Variants in PPARGC1A observed in about 807,000 individuals in gnomAD.
The protein encoded by PPARGC1A is PPARG coactivator 1 alpha.
In PPARGC1A, 25 loss-of-function variants were observed where a neutral mutation model predicts 88.7. The observed-to-expected ratio is 0.28, with a 90% CI of 0.21 to 0.39. The LOEUF is 0.39. PPARGC1A is among the 10% of genes least tolerant of loss of function. The probability of loss-of-function intolerance (pLI) is 1.00; values close to 1 mark genes in which losing one functional copy is unlikely to be tolerated. For synonymous variants in PPARGC1A, 363 were observed against 355.6 expected, an observed-to-expected ratio of 1.02 and a Z score of -0.24; for missense variants, 880 against 968.7, an observed-to-expected ratio of 0.91 and a Z score of 1.22.
At chr4:23,965,653 C>T in the PPARGC1A span, among the ~76,000 whole-genome samples, 1 of 152,158 alleles carries the variant, frequency 6.6e-6, no homozygotes, top group Admixed American at 6.5e-5. Context: ...AGCTCCTCAG[C>T]TTGAGGGCTG....
chr4:24,211,809 CAAT>C, the PPARGC1A span, among the ~76,000 whole-genome samples: 3 of 152,166 alleles, frequency 2.0e-5, no homozygotes, highest in Non-Finnish European at 2.9e-5. Flanking sequence ...ATGAGCAAAA[CAAT>C]AATAAGTATA....
chr4:24,101,562 T>C, the PPARGC1A span, among the ~76,000 whole-genome samples: 10 of 152,348 alleles, frequency 6.6e-5, no homozygotes, highest in Admixed American at 6.5e-4. Flanking sequence ...TGTACGCATG[T>C]AACAAAATAT....
chr4:24,115,373 A>ATT, the PPARGC1A span, among the ~76,000 whole-genome samples: 1 of 152,060 alleles, frequency 6.6e-6, no homozygotes, highest in African/African-American at 2.4e-5. Flanking sequence ...TTAAATAAAC[A>ATT]TTTTTCTGGC....
the PPARGC1A span, among the ~76,000 whole-genome samples, chr4:24,102,344 C>T: frequency 1.3e-5 from 2 of 152,142 alleles, no homozygotes; most frequent in African/African-American, 4.8e-5. Flanking sequence ...GATACCTACA[C>T]AACAGTGATG....
At chr4:23,922,824 C>A in the PPARGC1A span, among the ~76,000 whole-genome samples, 1 of 152,288 alleles carries the variant, frequency 6.6e-6, no homozygotes, top group African/African-American at 2.4e-5. Context: ...ACTCTGGCTT[C>A]CACACGCAAT....
chr4:24,281,775 T>C, the PPARGC1A span, among the ~76,000 whole-genome samples: 1 of 151,840 alleles, frequency 6.6e-6, no homozygotes, highest in African/African-American at 2.4e-5. Context: ...TCTTTTATTT[T>C]TCTTTTGGCT....
At chr4:24,135,302 A>C in the PPARGC1A span, among the ~76,000 whole-genome samples, 1 of 152,130 alleles carries the variant, frequency 6.6e-6, no homozygotes, top group Non-Finnish European at 1.5e-5. Flanking sequence ...AATGCTCTCC[A>C]AGATTTTGTT....
At chr4:24,184,858 A>G in the PPARGC1A span, among the ~76,000 whole-genome samples, 1 of 152,208 alleles carries the variant, frequency 6.6e-6, no homozygotes, top group Non-Finnish European at 1.5e-5. Flanking sequence ...AGAGAGAGGG[A>G]TAAGAAGCGG....
At chr4:24,211,145 G>T in the PPARGC1A span, among the ~76,000 whole-genome samples, 1 of 152,256 alleles carries the variant, frequency 6.6e-6, no homozygotes, top group African/African-American at 2.4e-5. Flanking sequence ...TGCCTAGCAC[G>T]TGCATGGCTC....
the PPARGC1A span, among the ~76,000 whole-genome samples, chr4:24,170,910 T>C: frequency 1.3e-5 from 2 of 152,304 alleles, no homozygotes; most frequent in African/African-American, 4.8e-5. Flanking sequence ...ACATCATCTC[T>C]TATTCTTTCT....
the PPARGC1A span, among the ~76,000 whole-genome samples, chr4:24,245,132 C>A: frequency 6.6e-6 from 1 of 152,234 alleles, no homozygotes; most frequent in Non-Finnish European, 1.5e-5. Context: ...AGTGACAGCA[C>A]AACAGGCTGC....
At chr4:23,828,344 G>A in intron 5 of PPARGC1A, 56 bp downstream of exon 5, 2 of 1,524,170 alleles carry the variant, frequency 1.3e-6, no homozygotes, top group Admixed American at 3.4e-5. Context: ...GACTTTGCAT[G>A]TGCTTTCTTT....
chr4:24,260,625 CAG>C, the PPARGC1A span, among the ~76,000 whole-genome samples: 1 of 152,110 alleles, frequency 6.6e-6, no homozygotes, highest in African/African-American at 2.4e-5. Flanking sequence ...TTCTGGAGGG[CAG>C]AGTCGTGGTA....
At chr4:24,139,219 C>T in the PPARGC1A span, among the ~76,000 whole-genome samples, 208 of 151,982 alleles carry the variant, frequency 1.4e-3, no homozygotes, top group Non-Finnish European at 2.3e-3. Context: ...CTGCAAGCTC[C>T]GCCTCCTGGG....
the PPARGC1A span, among the ~76,000 whole-genome samples, chr4:24,127,289 GC>G: frequency 6.6e-6 from 1 of 151,956 alleles, no homozygotes; most frequent in African/African-American, 2.4e-5. Flanking sequence ...GTTTCCAACT[GC>G]CCGCACTTAG....
At chr4:23,943,384 T>G in the PPARGC1A span, among the ~76,000 whole-genome samples, 1 of 150,872 alleles carries the variant, frequency 6.6e-6, no homozygotes, top group Non-Finnish European at 1.5e-5. Context: ...TAAAAGGTTT[T>G]TTTTTTTTTT....
chr4:24,260,772 G>C, the PPARGC1A span, among the ~76,000 whole-genome samples: 1 of 111,170 alleles, frequency 9.0e-6, no homozygotes, highest in Admixed American at 1.0e-4. Flanking sequence ...TGATATAACA[G>C]AACCTCTAGC....
At chr4:23,921,722 G>T in the PPARGC1A span, among the ~76,000 whole-genome samples, 4 of 152,178 alleles carry the variant, frequency 2.6e-5, no homozygotes, top group Non-Finnish European at 5.9e-5. Context: ...GGTTTTACTG[G>T]TGCATACTTC....
At chr4:23,997,437 G>A in the PPARGC1A span, among the ~76,000 whole-genome samples, 1 of 150,844 alleles carries the variant, frequency 6.6e-6, no homozygotes, top group African/African-American at 2.4e-5. Context: ...AGCAACTGTA[G>A]CAGGCAAGAA....
Sources: gnomAD v4.1 joint callset for allele counts (sites outside exome capture counted in the v4.1 genomes callset) on GRCh38, gnomAD v4.1.1 for gene constraint, MANE v1.5 for transcripts, NCBI Gene and HGNC (gene_info 2026-07-23, HGNC 2026-07-21) for gene names.